Variants in UBE3A observed in about 807,000 individuals in gnomAD.
The protein encoded by UBE3A is ubiquitin protein ligase E3A.
A neutral mutation model predicts 83.4 loss-of-function variants in UBE3A; 6 were observed. The observed-to-expected ratio is 0.07, with a 90% confidence interval of 0.04 to 0.14. The LOEUF (loss-of-function observed/expected upper bound fraction) is 0.14, where lower values mean the gene tolerates loss of function less well. Among genes scored for constraint, UBE3A ranks in the 10% least tolerant of loss-of-function variants. The pLI is 1.00. For missense variants in UBE3A, 456 were observed against 1,036.1 expected, an observed-to-expected ratio of 0.44 and a Z score of 7.69; for synonymous variants, 337 against 355.4, an observed-to-expected ratio of 0.95 and a Z score of 0.58.
intron 9 of UBE3A, among the ~76,000 whole-genome samples, chr15:25,355,387 T>C (rs961124696): frequency 6.6e-6 from 1 of 151,192 alleles, no homozygotes; most frequent in Non-Finnish European, 1.5e-5. Context: ...TTCTTAAAGG[T>C]ATACTATATA....
chr15:25,425,979 A>C (rs763289182), intron 1 of UBE3A, among the ~76,000 whole-genome samples: 5 of 152,200 alleles, frequency 3.3e-5, no homozygotes, highest in Admixed American at 2.6e-4. Context: ...AGAGTACTGT[A>C]ATCTCCTTCT....
intron 1 of UBE3A, among the ~76,000 whole-genome samples, chr15:25,428,592 C>T (rs116612815): frequency 1.6e-3 from 244 of 152,186 alleles, no homozygotes; most frequent in African/African-American, 5.5e-3. Flanking sequence ...CGATAGTGTG[C>T]CTTTCCTTTA....
At chr15:25,385,880 AAGTTTTAC>A (rs1000067015) in intron 4 of UBE3A, among the ~76,000 whole-genome samples, 22 of 152,196 alleles carry the variant, frequency 1.4e-4, no homozygotes, top group African/African-American at 5.1e-4. Context: ...ACAATTTTCT[AAGTTTTAC>A]ATCCAGGCAA....
chr15:25,380,601 G>A (rs2082014612), intron 4 of UBE3A, among the ~76,000 whole-genome samples: 1 of 152,112 alleles, frequency 6.6e-6, no homozygotes, highest in South Asian at 2.1e-4. Flanking sequence ...GTGAGGAAAG[G>A]GAGAGGATGC....
At chr15:25,415,929 T>C (rs1291666419) in intron 1 of UBE3A, 1 of 147,734 alleles carries the variant, frequency 6.8e-6, no homozygotes, top group Non-Finnish European at 1.5e-5. Flanking sequence ...TGAACAAAGA[T>C]ACCATTTCTT....
intron 11 of UBE3A, among the ~76,000 whole-genome samples, chr15:25,353,503 GCT>G (rs2076805566): frequency 6.6e-6 from 1 of 152,082 alleles, no homozygotes; most frequent in Admixed American, 6.5e-5. Flanking sequence ...TACTGAATCT[GCT>G]CTTAGTTGAG....
chr15:25,424,694 A>G (rs926021887), intron 1 of UBE3A, among the ~76,000 whole-genome samples: 4 of 152,206 alleles, frequency 2.6e-5, no homozygotes, highest in African/African-American at 9.6e-5. Flanking sequence ...TATGAAACAC[A>G]AGTTTTAGTA....
Position 25,354,347 on chromosome 15 carries a change from C to G in UBE3A, c.2354+6G>C, listed in dbSNP as rs771697024. ...AAATCTTCCTCTGAAGAACTAAGTA[C>G]CTCACCTAATCAGAACAGAGTCCCT... is the stretch of plus-strand genomic sequence containing the variant. On this transcript the variant is annotated splice_donor_region_variant and intron_variant, in intron 11 of 12. Coordinates refer to ENST00000648336, the MANE Select transcript of UBE3A (RefSeq NM_130839.5). 1 of 1,612,528 alleles carries G rather than the reference C, an allele frequency of 6.2e-7. No homozygotes were observed. The highest frequency in any genetic ancestry group is 2.2e-5 in the East Asian group (1 of 44,846).
At chr15:25,388,509 T>G (rs912677471) in intron 4 of UBE3A, among the ~76,000 whole-genome samples, 1 of 152,006 alleles carries the variant, frequency 6.6e-6, no homozygotes, top group African/African-American at 2.4e-5. Context: ...GCTAACACCA[T>G]CCTTAATGAT....
chr15:25,434,385 C>T, intron 1 of UBE3A, among the ~76,000 whole-genome samples: 1 of 152,160 alleles, frequency 6.6e-6, no homozygotes, highest in Admixed American at 6.5e-5. Flanking sequence ...CTGGGCAACA[C>T]AGTGAGACCC....
chr15:25,390,017 AC>A (rs1452746462), intron 4 of UBE3A, among the ~76,000 whole-genome samples: 4 of 152,194 alleles, frequency 2.6e-5, no homozygotes, highest in Non-Finnish European at 5.9e-5. Flanking sequence ...CCAAAGATAT[AC>A]AGATGGCAAT....
chr15:25,339,041 C>T lies in UBE3A; in HGVS notation c.*96G>A. On this transcript the variant is annotated 3_prime_UTR_variant, in exon 13 of 13. Coordinates refer to ENST00000648336, the MANE Select transcript of UBE3A (RefSeq NM_130839.5). ...CCTTTTTGTACTGGGACACTATCAC[C>T]ACCAAAAATTTATCCCTCGTTATAT... 2 of 1,365,778 alleles carry T rather than the reference C, an allele frequency of 1.5e-6. No homozygotes were observed. The highest frequency in any genetic ancestry group is 1.9e-6 in the Non-Finnish European group (2 of 1,044,950). The allele number at this position is 1,365,778 out of a possible 1,614,324, so 84.6% of individuals were successfully genotyped here. A position where few individuals can be genotyped will look rare whatever the true frequency, so the allele number is the denominator to read the frequency against.
chr15:25,437,844 C>T (rs1895578025), intron 1 of UBE3A, among the ~76,000 whole-genome samples: 1 of 148,824 alleles, frequency 6.7e-6, no homozygotes, highest in Non-Finnish European at 1.5e-5. Flanking sequence ...ATTTTCTACA[C>T]TGAAAAGGGG....
chr15:25,380,550 A>G (rs897433891), intron 4 of UBE3A, among the ~76,000 whole-genome samples: 4 of 152,178 alleles, frequency 2.6e-5, no homozygotes, highest in Non-Finnish European at 5.9e-5. Context: ...CTATTAAAGA[A>G]AAGAAGAGGA....
chr15:25,396,780 T>C (rs78877629), intron 4 of UBE3A, among the ~76,000 whole-genome samples: 1 of 152,106 alleles, frequency 6.6e-6, no homozygotes, highest in African/African-American at 2.4e-5. Context: ...TTTAAGAGTA[T>C]TAATAATTTT....
chr15:25,348,157 G>A (rs985329857), intron 11 of UBE3A, among the ~76,000 whole-genome samples: 9 of 151,060 alleles, frequency 6.0e-5, no homozygotes, highest in African/African-American at 2.2e-4. Flanking sequence ...ATTCTAAATG[G>A]GTATGAACCA....
chr15:25,386,995 A>G (rs929036897), intron 4 of UBE3A, among the ~76,000 whole-genome samples: 2 of 152,218 alleles, frequency 1.3e-5, no homozygotes, highest in Non-Finnish European at 2.9e-5. Flanking sequence ...TGAAAGTAAA[A>G]TAAAACCTTT....
At chr15:25,350,960 A>G (rs1364747611) in intron 11 of UBE3A, among the ~76,000 whole-genome samples, 1 of 152,222 alleles carries the variant, frequency 6.6e-6, no homozygotes, top group East Asian at 1.9e-4. Flanking sequence ...GCTGATGGAC[A>G]TAGTCTACAC....
At chr15:25,405,652 T>C (rs2088347996) in intron 3 of UBE3A, 150 bp from the exon 4 acceptor site, 1 of 825,628 alleles carries the variant, frequency 1.2e-6, no homozygotes, top group South Asian at 1.6e-5. Context: ...TGAAAGAAAG[T>C]GGTCAGATCA....
Sources: gnomAD v4.1 joint callset for allele counts (sites outside exome capture counted in the v4.1 genomes callset) on GRCh38, gnomAD v4.1.1 for gene constraint, MANE v1.5 for transcripts, NCBI Gene and HGNC (gene_info 2026-07-23, HGNC 2026-07-21) for gene names.